NELL1: variants seen among roughly 807,000 people sequenced by gnomAD.
NELL1 encodes the protein protein kinase C-binding protein NELL1.
Under a neutral mutation model 107.4 loss-of-function variants are expected in NELL1, and 76 were observed. The ratio of observed to expected loss-of-function variants is 0.71; its 90% CI spans 0.59 to 0.86. NELL1 has a LOEUF of 0.86. NELL1 is among the 40% of genes least tolerant of loss of function. The pLI, the probability that NELL1 is intolerant of heterozygous loss-of-function variation, is 0.00. For missense variants in NELL1, 1,024 were observed against 1,005.5 expected, an observed-to-expected ratio of 1.02 and a Z score of -0.25; for synonymous variants, 353 against 341.2, an observed-to-expected ratio of 1.03 and a Z score of -0.38.
intron 14 of NELL1, among the ~76,000 whole-genome samples, chr11:21,252,969 C>T (rs1858677690): frequency 6.6e-6 from 1 of 151,954 alleles, no homozygotes; most frequent in Non-Finnish European, 1.5e-5. Flanking sequence ...GTTGAGGTAG[C>T]CTAGTCTATA....
At chr11:20,698,062 A>G (rs1042797666) in intron 2 of NELL1, among the ~76,000 whole-genome samples, 2 of 152,182 alleles carry the variant, frequency 1.3e-5, no homozygotes, top group African/African-American at 4.8e-5. Context: ...CTCAGGGAGC[A>G]TTTACTAGTC....
intron 12 of NELL1, among the ~76,000 whole-genome samples, chr11:21,096,368 A>G (rs1352181257): frequency 2.6e-5 from 4 of 152,160 alleles, no homozygotes; most frequent in African/African-American, 9.7e-5. Context: ...TCCTTTGGGG[A>G]TACAGCTCTC....
intron 8 of NELL1, 62 bp from the exon 9 acceptor site, chr11:20,928,315 T>C (rs1850543329): frequency 7.0e-7 from 1 of 1,431,028 alleles, no homozygotes. Context: ...TTCAATGATC[T>C]CCACAACAGG....
At chr11:20,672,920 C>A (rs1298141526) in intron 1 of NELL1, among the ~76,000 whole-genome samples, 2 of 142,362 alleles carry the variant, frequency 1.4e-5, no homozygotes, top group African/African-American at 2.7e-5. Flanking sequence ...GACATGATCT[C>A]GGCTCACCAC....
intron 13 of NELL1, among the ~76,000 whole-genome samples, chr11:21,149,885 A>T (rs1269808764): frequency 1.3e-5 from 2 of 152,140 alleles, no homozygotes; most frequent in Non-Finnish European, 2.9e-5. Context: ...AGTACCAGTG[A>T]ATGACAAACA....
At chr11:20,887,276 A>G (rs942843612) in intron 5 of NELL1, among the ~76,000 whole-genome samples, 1 of 152,218 alleles carries the variant, frequency 6.6e-6, no homozygotes, top group Non-Finnish European at 1.5e-5. Flanking sequence ...CCAGTTTGGA[A>G]CAATTATGAA....
At chr11:20,793,410 A>G (rs1053407982) in intron 3 of NELL1, among the ~76,000 whole-genome samples, 1 of 152,004 alleles carries the variant, frequency 6.6e-6, no homozygotes, top group Non-Finnish European at 1.5e-5. Flanking sequence ...CAGGCTCATC[A>G]TGGGATCATG....
intron 15 of NELL1, among the ~76,000 whole-genome samples, chr11:21,461,690 G>T (rs991651325): frequency 9.9e-5 from 15 of 152,120 alleles, no homozygotes; most frequent in African/African-American, 3.6e-4. Context: ...TTAAGGAAAT[G>T]AAGGCACAGA....
chr11:21,259,868 A>T (rs929453823), intron 14 of NELL1, among the ~76,000 whole-genome samples: 3 of 151,978 alleles, frequency 2.0e-5, no homozygotes, highest in African/African-American at 7.2e-5. Context: ...GAATTTAAAT[A>T]GAGTTGTTCT....
intron 15 of NELL1, among the ~76,000 whole-genome samples, chr11:21,476,985 A>G (rs1345302565): frequency 1.3e-5 from 2 of 152,138 alleles, no homozygotes; most frequent in South Asian, 2.1e-4. Flanking sequence ...CCACAGGCTA[A>G]AGATCTCTGG....
chr11:20,741,635 T>A (rs1855892244), intron 2 of NELL1, among the ~76,000 whole-genome samples: 2 of 152,098 alleles, frequency 1.3e-5, no homozygotes, highest in Admixed American at 1.3e-4. Flanking sequence ...CTTCCTTCCT[T>A]AAAGAGGGAT....
intron 14 of NELL1, among the ~76,000 whole-genome samples, chr11:21,352,543 A>G (rs962640842): frequency 2.0e-5 from 3 of 152,182 alleles, no homozygotes; most frequent in African/African-American, 7.2e-5. Flanking sequence ...GTGCAATATT[A>G]CTTAAAACAG....
chr11:21,279,128 A>G (rs1342115684), intron 14 of NELL1, among the ~76,000 whole-genome samples: 1 of 152,174 alleles, frequency 6.6e-6, no homozygotes, highest in African/African-American at 2.4e-5. Flanking sequence ...GTAAAAATAA[A>G]TCAAAATGGA....
chr11:20,915,854 G>A (rs1850244097), intron 5 of NELL1, among the ~76,000 whole-genome samples: 1 of 150,318 alleles, frequency 6.7e-6, no homozygotes, highest in African/African-American at 2.4e-5. Context: ...AAATGTCCTG[G>A]CAGTAAATTG....
intron 13 of NELL1, among the ~76,000 whole-genome samples, chr11:21,191,970 C>T (rs1857059444): frequency 6.6e-6 from 1 of 151,864 alleles, no homozygotes; most frequent in South Asian, 2.1e-4. Context: ...AAAAATTCAA[C>T]ACTTGAGTCA....
At chr11:21,515,000 G>A (rs1855523326) in intron 15 of NELL1, among the ~76,000 whole-genome samples, 1 of 152,190 alleles carries the variant, frequency 6.6e-6, no homozygotes, top group South Asian at 2.1e-4. Context: ...CTTGCAGGTA[G>A]GGCGGGTAGG....
chr11:21,171,214 A>T (rs4922776), intron 13 of NELL1, among the ~76,000 whole-genome samples: 6 of 151,472 alleles, frequency 4.0e-5, no homozygotes, highest in Non-Finnish European at 8.8e-5. Context: ...AACAAAGGGT[A>T]CCCATTTTAG....
At chr11:21,193,606 T>C (rs1356790020) in intron 13 of NELL1, among the ~76,000 whole-genome samples, 1 of 151,906 alleles carries the variant, frequency 6.6e-6, no homozygotes, top group Non-Finnish European at 1.5e-5. Flanking sequence ...TATAAGTACA[T>C]TTAAAGTGGA....
intron 12 of NELL1, among the ~76,000 whole-genome samples, chr11:21,064,074 G>T (rs1264614051): frequency 6.6e-6 from 1 of 152,118 alleles, no homozygotes; most frequent in East Asian, 1.9e-4. Context: ...GAAATAGCCA[G>T]TGCAAAGGGC....
Sources: allele counts gnomAD v4.1 joint callset (sites outside exome capture counted in the v4.1 genomes callset), GRCh38; gene constraint gnomAD v4.1.1; transcripts MANE v1.5; gene names NCBI Gene and HGNC (gene_info 2026-07-23, HGNC 2026-07-21).